RGS6: variants seen among roughly 807,000 people sequenced by gnomAD.
RGS6 encodes the protein regulator of G-protein signaling 6.
In RGS6, 30 loss-of-function variants were observed where a neutral mutation model predicts 78.5. The observed-to-expected ratio is 0.38, with a 90% CI of 0.29 to 0.52. RGS6 has a LOEUF of 0.52. Ranked by LOEUF, RGS6 falls within the 20% of genes least tolerant of loss-of-function variation. RGS6 has a pLI of 0.85. For missense variants in RGS6, 495 were observed against 609.7 expected (o/e 0.81, Z 1.98); for synonymous variants, 206 against 206.0 (o/e 1.00, Z 0.00).
rs145648102 is a variant in RGS6 at position 72,441,864 on chromosome 14, G to C, written c.185-12664G>C. 9.8e-5 allele frequency among the ~76,000 whole-genome samples: 15 copies of C among 152,366 alleles called. No individual in the cohort carries two copies. The East Asian group carries it at 2.9e-3, about 29-fold the overall frequency. The stretch of plus-strand genomic sequence containing the variant: ...AGGAGGCCCCCAGCAGTGGAGGGAT[G>C]GGGGCTGCCAACTGGCATTGCCCAG... On this transcript the variant is annotated intron_variant, in intron 3 of 17. Coordinates refer to ENST00000553525, the MANE Select transcript of RGS6 (RefSeq NM_001204424.2).
At chr14:72,164,379 C>T (rs1222207108) in intron 2 of RGS6, among the ~76,000 whole-genome samples, 1 of 152,060 alleles carries the variant, frequency 6.6e-6, no homozygotes, top group Non-Finnish European at 1.5e-5. Flanking sequence ...TTCATCTGGC[C>T]ACTCTTTAGA....
intron 3 of RGS6, among the ~76,000 whole-genome samples, chr14:72,382,097 A>T (rs1189315234): frequency 6.6e-6 from 1 of 152,094 alleles, no homozygotes; most frequent in East Asian, 1.9e-4. Context: ...GAATATTAAA[A>T]TTTAGTCACC....
chr14:71,874,421 A>C, the RGS6 span, among the ~76,000 whole-genome samples: 1 of 152,010 alleles, frequency 6.6e-6, no homozygotes, highest in East Asian at 1.9e-4. Context: ...ATGGGAGTTC[A>C]CTCATGATTT....
At chr14:72,326,589 C>G (rs1228238121) in intron 2 of RGS6, among the ~76,000 whole-genome samples, 1 of 152,180 alleles carries the variant, frequency 6.6e-6, no homozygotes, top group African/African-American at 2.4e-5. Context: ...TCTGCGGTGA[C>G]TGTAAGCTTC....
chr14:72,387,798 G>C (rs961847888), intron 3 of RGS6, among the ~76,000 whole-genome samples: 2 of 152,130 alleles, frequency 1.3e-5, no homozygotes, highest in African/African-American at 4.8e-5. Context: ...TAAACAACAG[G>C]AATTTATTAT....
At chr14:72,447,072 C>T (rs60204945) in intron 3 of RGS6, among the ~76,000 whole-genome samples, 7,052 of 152,066 alleles carry the variant, frequency 0.046, 545 homozygotes, top group African/African-American at 0.16. Flanking sequence ...GCACGACAGG[C>T]CCAGGGAGTA....
the RGS6 span, chr14:72,612,441 T>TTTTTTTC: frequency 1.9e-6 from 1 of 517,196 alleles, no homozygotes; most frequent in Admixed American, 1.9e-5. Flanking sequence ...TTTTTTTTTT[T>TTTTTTTC]CTAGTACCTA....
intron 12 of RGS6, among the ~76,000 whole-genome samples, chr14:72,490,870 A>C (rs1024289248): frequency 6.6e-6 from 1 of 152,242 alleles, no homozygotes; most frequent in African/African-American, 2.4e-5. Flanking sequence ...GAGGAATGAG[A>C]TATGGTTCTC....
At chr14:72,184,350 CAG>C (rs1184471521) in intron 2 of RGS6, among the ~76,000 whole-genome samples, 2 of 142,620 alleles carry the variant, frequency 1.4e-5, no homozygotes, top group African/African-American at 5.3e-5. Flanking sequence ...GTTCATATAA[CAG>C]AAGTATTTTA....
At chr14:72,070,775 A>C (rs552391459) in intron 2 of RGS6, among the ~76,000 whole-genome samples, 2 of 152,282 alleles carry the variant, frequency 1.3e-5, no homozygotes, top group East Asian at 3.9e-4. Context: ...CCTAGGCTCA[A>C]GTACTCTGGA....
chr14:72,226,021 C>T (rs2048045612), intron 2 of RGS6, among the ~76,000 whole-genome samples: 1 of 152,184 alleles, frequency 6.6e-6, no homozygotes, highest in African/African-American at 2.4e-5. Context: ...TGCTTTGTAG[C>T]ATCCAGTTTT....
intron 15 of RGS6, among the ~76,000 whole-genome samples, chr14:72,523,314 T>C (rs1391110585): frequency 6.6e-6 from 1 of 152,188 alleles, no homozygotes; most frequent in Admixed American, 6.5e-5. Flanking sequence ...ATTATCCATT[T>C]AAGTTCTTTA....
chr14:72,039,431 A>G (rs1057141811), intron 2 of RGS6, among the ~76,000 whole-genome samples: 2 of 152,084 alleles, frequency 1.3e-5, no homozygotes, highest in African/African-American at 4.8e-5. Context: ...TGGCCCTTTT[A>G]TTGTTGTATA....
intron 2 of RGS6, among the ~76,000 whole-genome samples, chr14:72,208,686 G>A (rs1409984189): frequency 6.6e-6 from 1 of 152,136 alleles, no homozygotes. Flanking sequence ...GACTATTTCA[G>A]CATAACTTGT....
chr14:72,053,053 C>CTCCCT (rs2093396088), intron 2 of RGS6, among the ~76,000 whole-genome samples: 3 of 13,042 alleles, frequency 2.3e-4, no homozygotes, highest in Non-Finnish European at 2.8e-4. Context: ...CCCTCCCTCC[C>CTCCCT]TCCCTCCCTC....
intron 10 of RGS6, among the ~76,000 whole-genome samples, chr14:72,476,280 G>A (rs530312940): frequency 1.3e-5 from 2 of 152,340 alleles, no homozygotes; most frequent in East Asian, 3.9e-4. Context: ...GAAATGTAGA[G>A]GGGATCTTTT....
At chr14:72,425,794 T>C (rs971002754) in intron 3 of RGS6, among the ~76,000 whole-genome samples, 11 of 152,198 alleles carry the variant, frequency 7.2e-5, no homozygotes, top group Non-Finnish European at 4.4e-5. Context: ...TAGAGATTTA[T>C]CTTAAGGAAA....
chr14:72,225,310 A>G (rs1207141606), intron 2 of RGS6, among the ~76,000 whole-genome samples: 3 of 152,154 alleles, frequency 2.0e-5, no homozygotes, highest in Non-Finnish European at 4.4e-5. Flanking sequence ...TTAAAAAAAC[A>G]TTCACTGTGT....
At chr14:71,999,665 A>G (rs1402837298) in intron 2 of RGS6, among the ~76,000 whole-genome samples, 1 of 100,374 alleles carries the variant, frequency 1.0e-5, no homozygotes, top group African/African-American at 3.0e-5. Flanking sequence ...TATCCCCGCA[A>G]TAGAGTTCTC....
Sources: gnomAD v4.1 joint callset for allele counts (sites outside exome capture counted in the v4.1 genomes callset) on GRCh38, gnomAD v4.1.1 for gene constraint, MANE v1.5 for transcripts, NCBI Gene and HGNC (gene_info 2026-07-23, HGNC 2026-07-21) for gene names.